CCDC187: variants seen among roughly 807,000 people sequenced by gnomAD.
CCDC187 encodes coiled-coil domain-containing protein 187.
A neutral mutation model predicts 38.0 loss-of-function variants in CCDC187; 32 were observed. The ratio of observed to expected loss-of-function variants is 0.84; its 90% CI spans 0.64 to 1.13. The LOEUF is 1.13. CCDC187 is among the 50% of genes most tolerant of loss of function. CCDC187 has a pLI of 0.00. For synonymous variants in CCDC187, 333 were observed against 347.9 expected, an observed-to-expected ratio of 0.96 and a Z score of 0.48; for missense variants, 707 against 786.8, an observed-to-expected ratio of 0.90 and a Z score of 1.21.
rs895141169 is a variant in CCDC187 at position 136,274,426 on chromosome 9, G to A, written c.3442+232C>T. ...TGCCAGCTGTCTAACCCAGTTCCCC[G>A]GGCTCAAGCGATGCCAGGGGCTAGG... On this transcript the variant is annotated intron_variant, in intron 14 of 25. Transcript: ENST00000638797. Among the ~76,000 whole-genome samples, 75 of 152,244 alleles carry A rather than the reference G, an allele frequency of 4.9e-4. 4 individuals carry two copies. The highest frequency in any genetic ancestry group is 1.2e-4 in the Non-Finnish European group (8 of 68,038).
rs970891235 is a variant in CCDC187, at chr9:136,286,782, C to T, written c.2223-87G>A. The stretch of plus-strand genomic sequence containing the variant: ...AGCACGCGTGTTTTGCAGGTGTGAG[C>T]GTCACAGCAGCGTCTGTGACGGACC... On this transcript the variant is annotated intron_variant, in intron 7 of 25. Coordinates refer to ENST00000638797, the MANE Select transcript of CCDC187 (RefSeq NM_001378188.1). 604 of 397,982 alleles carry T rather than the reference C, an allele frequency of 1.5e-3. 12 individuals are homozygous for T. The highest frequency in any genetic ancestry group is 3.1e-3 in the Middle Eastern group (5 of 1,588). 24.7% of individuals were successfully genotyped at this position (397,982 alleles called of 1,614,324 possible).
intron 4 of CCDC187, among the ~76,000 whole-genome samples, chr9:136,293,389 GCTCACACA>G (rs1425081549): frequency 1.8e-5 from 2 of 113,088 alleles, no homozygotes; most frequent in African/African-American, 6.7e-5. Context: ...ACACTCACAT[GCTCACACA>G]CTCACAAACA....
rs1296921922 is a variant in CCDC187, at chr9:136,251,113, C to T, written c.*2481G>A. ...AGGCCCTGGACAGGAGAAGCCACAT[C>T]CTGGAAGGATCAGTGCTGGGACACA... is the stretch of plus-strand genomic sequence containing the variant. On this transcript the variant is annotated 3_prime_UTR_variant, in exon 26 of 26. Transcript: ENST00000638797. 1 of 444,378 alleles carries T rather than the reference C, an allele frequency of 2.3e-6. No homozygotes were observed. The highest frequency in any genetic ancestry group is 4.6e-6 in the Non-Finnish European group (1 of 217,242). 27.5% of individuals were successfully genotyped at this position (444,378 alleles called of 1,614,324 possible).
Position 136,260,192 on chromosome 9 carries a change from C to T in CCDC187, c.4137G>A (p.Pro1379=), listed in dbSNP as rs1281234289. The T allele has an allele frequency of 1.1e-5, 11 of 985,392 alleles. No individual in the cohort carries two copies. Among genetic ancestry groups the T allele is most frequent in the Non-Finnish European group, 1.2e-5 (10 of 830,136 alleles). 61.0% of individuals were successfully genotyped at this position (985,392 alleles called of 1,614,324 possible). A position where few individuals can be genotyped will look rare whatever the true frequency, so the allele number is the denominator to read the frequency against. The part of the protein sequence containing the change: ...TSDADGHQQP[P]RPAWGEDTHD... ...GTGTGTCCTCGCCCCATGCTGGCCTCGGAGGCTGCTGGTGACCATCTGCAT... is the reference window on the plus strand; with the variant it reads ...GTGTGTCCTCGCCCCATGCTGGCCTTGGAGGCTGCTGGTGACCATCTGCAT... The change falls in exon 20 of 26, where the codon CCG becomes CCA. Residue 1379 remains proline (P), a synonymous_variant. Coordinates refer to ENST00000638797, the MANE Select transcript of CCDC187 (RefSeq NM_001378188.1).
intron 19 of CCDC187, among the ~76,000 whole-genome samples, chr9:136,261,505 G>A (rs1214328087): frequency 6.6e-6 from 1 of 152,088 alleles, no homozygotes; most frequent in Non-Finnish European, 1.5e-5. Context: ...AGCCCTATAA[G>A]CAAACCCTGG....
At chr9:136,283,339 C>G (rs1482159046) in intron 9 of CCDC187, among the ~76,000 whole-genome samples, 1 of 152,264 alleles carries the variant, frequency 6.6e-6, no homozygotes, top group African/African-American at 2.4e-5. Flanking sequence ...GGGAAACGCA[C>G]CAGATGGCAG....
At position 136,253,839 on chromosome 9, in the gene CCDC187, A is replaced by T; in HGVS notation, c.5989T>A (p.Tyr1997Asn). 3 of 985,266 alleles carry T rather than the reference A, an allele frequency of 3.0e-6. No individual in the cohort carries two copies. The highest frequency in any genetic ancestry group is 3.6e-6 in the Non-Finnish European group (3 of 829,834). The allele number at this position is 985,266 out of a possible 1,614,324, so 61.0% of individuals were successfully genotyped here. A position where few individuals can be genotyped will look rare whatever the true frequency, so the allele number is the denominator to read the frequency against. The change falls in exon 26 of 26, where the codon TAC (tyrosine) becomes AAC (asparagine). Residue 1997 changes from tyrosine to asparagine, a missense_variant. Transcript: ENST00000638797. ...ILSPVDELLS[Y>N]GSADLPSSIH... Reference sequence around the variant, plus strand: ...GAGGACGGGAGGTCGGCACTGCCGTAGGACAGCAACTCGTCCACGGGAGAC... The same window carrying T: ...GAGGACGGGAGGTCGGCACTGCCGTTGGACAGCAACTCGTCCACGGGAGAC...
chr9:136,278,718 G>T (rs1248872280), intron 10 of CCDC187, among the ~76,000 whole-genome samples: 4 of 152,264 alleles, frequency 2.6e-5, no homozygotes, highest in Non-Finnish European at 5.9e-5. Flanking sequence ...CTTACCCTCA[G>T]TGGGGGCTGT....
Position 136,262,311 on chromosome 9 carries a change from C to G in CCDC187, c.4064G>C (p.Arg1355Pro). 1.0e-6 allele frequency: 1 copy of G among 986,366 alleles called. No individual in the cohort carries two copies. The highest frequency in any genetic ancestry group is 1.2e-6 in the Non-Finnish European group (1 of 830,682). The allele number at this position is 986,366 out of a possible 1,614,324, so 61.1% of individuals were successfully genotyped here. ...GACCCCCTAAGACCAACCAACTCAC[C>G]GCGTGGCCTTTGAGCTTGCGGGGCT... ...QSSPASSKAT[R>P]PPTEQQDVTP... The change falls in exon 19 of 26, where the codon CGC becomes CCC. Residue 1355 changes from arginine to proline, a missense_variant and splice_region_variant. Transcript: ENST00000638797.
chr9:136,298,382 G>C (rs1831587237), intron 3 of CCDC187, among the ~76,000 whole-genome samples: 1 of 152,208 alleles, frequency 6.6e-6, no homozygotes, highest in Admixed American at 6.5e-5. Flanking sequence ...GAGATGGAGA[G>C]CCCGAGGGGG....
At chr9:136,300,361 T>C (rs1831648001) in intron 2 of CCDC187, 43 bp from the exon 3 acceptor site, 1 of 398,386 alleles carries the variant, frequency 2.5e-6, no homozygotes, top group South Asian at 1.3e-4. Flanking sequence ...AGAAGAGAGA[T>C]CCGCAAAGAA....
At chr9:136,301,753 G>GT (rs1394899515) in intron 2 of CCDC187, among the ~76,000 whole-genome samples, 10 of 151,476 alleles carry the variant, frequency 6.6e-5, no homozygotes, top group South Asian at 2.1e-4. Context: ...TGCCCAGCTA[G>GT]TTTTTTTTGT....
chr9:136,269,482 T>A lies in CCDC187; in HGVS notation c.3443-1357A>T, dbSNP rs190704444. On this transcript the variant is annotated intron_variant, in intron 14 of 25. Coordinates refer to ENST00000638797, the MANE Select transcript of CCDC187 (RefSeq NM_001378188.1). ...GGCTAACATGGTGAAACCCCGTCTC[T>A]ACTAAAATACAAAAAATTAGCTGGG... Among the ~76,000 whole-genome samples the A allele has an allele frequency of 3.4e-3, 512 of 152,236 alleles. 4 individuals carry two copies. The highest frequency in any genetic ancestry group is 0.012 in the African/African-American group (492 of 41,538).
chr9:136,267,372 G>T lies in CCDC187; in HGVS notation c.3647+12C>A, dbSNP rs919863336. 2.2e-5 allele frequency: 22 copies of T among 985,518 alleles called. No homozygotes were observed. In the Admixed American group the frequency reaches 4.3e-4, roughly 19 times the overall value. The allele number at this position is 985,518 out of a possible 1,614,324, so 61.0% of individuals were successfully genotyped here. On this transcript the variant is annotated intron_variant, in intron 16 of 25. Transcript: ENST00000638797. The stretch of plus-strand genomic sequence containing the variant: ...CGGCGGGGCGGGGCCGGCGCCAGGC[G>T]CATGCGCTCACCCTCGTCGATGCTC...
At chr9:136,255,178 G>C (rs986275222) in intron 25 of CCDC187, 44 bp from the exon 26 acceptor site, 3 of 944,042 alleles carry the variant, frequency 3.2e-6, no homozygotes, top group South Asian at 9.8e-5. Flanking sequence ...CTGCACCCTG[G>C]ACCCCATGCA....
chr9:136,251,445 A>G lies in CCDC187; in HGVS notation c.*2149T>C, dbSNP rs1252433924. 3 of 176,482 alleles carry G rather than the reference A, an allele frequency of 1.7e-5. No homozygotes were observed. The highest frequency in any genetic ancestry group is 7.1e-5 in the African/African-American group (3 of 42,254). 10.9% of individuals were successfully genotyped at this position (176,482 alleles called of 1,614,324 possible). A position where few individuals can be genotyped will look rare whatever the true frequency, so the allele number is the denominator to read the frequency against. ...GGTCTGTGCAGCTCAGGTGTGAGACATCCATGCCCAGTCCACCCAGCTGCA... is the reference window on the plus strand; with the variant it reads ...GGTCTGTGCAGCTCAGGTGTGAGACGTCCATGCCCAGTCCACCCAGCTGCA... On this transcript the variant is annotated 3_prime_UTR_variant, in exon 26 of 26. Coordinates refer to ENST00000638797, the MANE Select transcript of CCDC187 (RefSeq NM_001378188.1).
At chr9:136,293,615 C>T (rs1000064550) in intron 4 of CCDC187, among the ~76,000 whole-genome samples, 10,955 of 152,104 alleles carry the variant, frequency 0.072, 451 homozygotes, top group East Asian at 0.19. Context: ...CACATATGCA[C>T]GCCAATGCTG....
intron 9 of CCDC187, among the ~76,000 whole-genome samples, chr9:136,283,335 C>T (rs1247635422): frequency 5.9e-5 from 9 of 152,250 alleles, no homozygotes; most frequent in Non-Finnish European, 8.8e-5. Context: ...GCGTGGGAAA[C>T]GCACCAGATG....
Position 136,254,152 on chromosome 9 carries a change from C to A in CCDC187, c.5676G>T (p.Ser1892=). 1 of 985,440 alleles carries A rather than the reference C, an allele frequency of 1.0e-6. No homozygotes were observed. Among genetic ancestry groups the A allele is most frequent in the Non-Finnish European group, 1.2e-6 (1 of 829,934 alleles). 61.0% of individuals were successfully genotyped at this position (985,440 alleles called of 1,614,324 possible). A position where few individuals can be genotyped will look rare whatever the true frequency, so the allele number is the denominator to read the frequency against. The change falls in exon 26 of 26, where the codon TCG becomes TCT. Residue 1892 remains serine, a synonymous_variant. Transcript: ENST00000638797. ...CTGCCCCTTCACTCAAAGAGGTCCACGAAGGAAAGACCAGCAGTGAGTCCG... is the reference window on the plus strand; with the variant it reads ...CTGCCCCTTCACTCAAAGAGGTCCAAGAAGGAAAGACCAGCAGTGAGTCCG... ...GDSDSLLVFP[S]WTSLSEGADF...
Sources: allele counts gnomAD v4.1 joint callset (sites outside exome capture counted in the v4.1 genomes callset), GRCh38; gene constraint gnomAD v4.1.1; transcripts MANE v1.5; gene names NCBI Gene and HGNC (gene_info 2026-07-23, HGNC 2026-07-21).